PVT1: variants seen among roughly 807,000 people sequenced by gnomAD.
PVT1 encodes CXCR4/PVT1 fusion.
intron 5 of PVT1, among the ~76,000 whole-genome samples, chr8:128,086,103 G>C (rs1028532835): frequency 1.3e-5 from 2 of 152,218 alleles, no homozygotes; most frequent in African/African-American, 4.8e-5. Context: ...CCTAAATCTG[G>C]CTGTGAGTCG....
chr8:127,833,849 G>T (rs1814879832), intron 2 of PVT1, among the ~76,000 whole-genome samples: 1 of 152,180 alleles, frequency 6.6e-6, no homozygotes, highest in Admixed American at 6.5e-5. Flanking sequence ...TATCAGTCCT[G>T]TAGTCCAGTG....
intron 4 of PVT1, among the ~76,000 whole-genome samples, chr8:128,064,202 C>T (rs976366944): frequency 6.6e-6 from 1 of 152,174 alleles, no homozygotes; most frequent in African/African-American, 2.4e-5. Flanking sequence ...AATATTAACT[C>T]CTCCTGTAAA....
chr8:128,083,856 G>C (rs1056796165), intron 5 of PVT1, among the ~76,000 whole-genome samples: 1 of 152,166 alleles, frequency 6.6e-6, no homozygotes, highest in Non-Finnish European at 1.5e-5. Flanking sequence ...TGCCACCTCT[G>C]TCGGGGTCCC....
intron 2 of PVT1, among the ~76,000 whole-genome samples, chr8:127,826,181 C>T (rs1423469637): frequency 6.6e-6 from 1 of 151,972 alleles, no homozygotes; most frequent in East Asian, 1.9e-4. Context: ...TTACCTACAA[C>T]TTGCCAGTAA....
chr8:127,834,648 A>G (rs1171786535), intron 2 of PVT1, among the ~76,000 whole-genome samples: 1 of 152,218 alleles, frequency 6.6e-6, no homozygotes, highest in Non-Finnish European at 1.5e-5. Flanking sequence ...ACAGAATGGG[A>G]GAAAATTTTT....
chr8:127,850,107 G>A (rs912051544), intron 2 of PVT1, among the ~76,000 whole-genome samples: 42 of 152,254 alleles, frequency 2.8e-4, no homozygotes, highest in African/African-American at 9.9e-4. Flanking sequence ...AACTACATGT[G>A]TGTGAGCCTG....
chr8:127,972,637 G>T (rs186362937), intron 3 of PVT1, among the ~76,000 whole-genome samples: 8 of 152,190 alleles, frequency 5.3e-5, no homozygotes, highest in African/African-American at 1.9e-4. Flanking sequence ...TACTCAAGAG[G>T]CTAAGGCAGG....
intron 2 of PVT1, among the ~76,000 whole-genome samples, chr8:127,812,733 G>GA (rs925879107): frequency 2.0e-5 from 3 of 149,898 alleles, no homozygotes; most frequent in African/African-American, 7.3e-5. Context: ...AAGAAGGAAG[G>GA]AAAAAACCGG....
intron 2 of PVT1, among the ~76,000 whole-genome samples, chr8:127,821,599 A>G (rs4733784): frequency 0.68 from 103,753 of 151,874 alleles, 36,911 homozygotes; most frequent in African/African-American, 0.88. Context: ...TCACGAGGTC[A>G]GAAGATCGAG....
At chr8:128,013,850 C>T (rs187076264) in intron 4 of PVT1, among the ~76,000 whole-genome samples, 3 of 152,320 alleles carry the variant, frequency 2.0e-5, no homozygotes, top group Admixed American at 6.5e-5. Context: ...GAATGAATCA[C>T]GCTGGACCAA....
At chr8:127,813,030 A>G (rs1291657979) in intron 2 of PVT1, among the ~76,000 whole-genome samples, 1 of 151,820 alleles carries the variant, frequency 6.6e-6, no homozygotes, top group Non-Finnish European at 1.5e-5. Flanking sequence ...AATGTTATCT[A>G]GTACTACTAA....
At chr8:127,998,535 T>C (rs1421967351) in intron 4 of PVT1, among the ~76,000 whole-genome samples, 1 of 143,566 alleles carries the variant, frequency 7.0e-6, no homozygotes, top group African/African-American at 2.6e-5. Context: ...CCTTCTTTCT[T>C]TCTCTCTCTC....
At chr8:128,038,203 G>T (rs1354231781) in intron 4 of PVT1, among the ~76,000 whole-genome samples, 2 of 152,178 alleles carry the variant, frequency 1.3e-5, no homozygotes, top group African/African-American at 2.4e-5. Flanking sequence ...GGAATCGCTG[G>T]TATAAACTTT....
Position 127,889,035 on chromosome 8 carries a change from T to TTC in PVT1, n.373-1554_373-1553insTC, listed in dbSNP as rs1815561979. On this transcript the variant is annotated intron_variant and non_coding_transcript_variant, in intron 2 of 10. Transcript: ENST00000651587. ...TCAAACCCCTTTTCCTTTCTCTCTT[T>TTC]CTTTCTTCCTTCCTTCCTTCCTTCC... is the stretch of plus-strand genomic sequence containing the variant. Among the ~76,000 whole-genome samples, 347 of 100,496 alleles carry TTC rather than the reference T, an allele frequency of 3.5e-3. 4 individuals are homozygous for TTC. Among genetic ancestry groups the TTC allele is most frequent in the African/African-American group, 0.011 (321 of 28,380 alleles). 65.9% of individuals were successfully genotyped at this position (100,496 alleles called of 152,430 possible). A position where few individuals can be genotyped will look rare whatever the true frequency, so the allele number is the denominator to read the frequency against.
chr8:127,832,812 C>T (rs960549603), intron 2 of PVT1, among the ~76,000 whole-genome samples: 10 of 151,662 alleles, frequency 6.6e-5, no homozygotes, highest in East Asian at 1.9e-4. Context: ...GAGCTGAGAT[C>T]GCACCACTCC....
At chr8:127,943,627 A>G (rs1251601122) in intron 3 of PVT1, among the ~76,000 whole-genome samples, 1 of 152,076 alleles carries the variant, frequency 6.6e-6, no homozygotes. Context: ...AGTTGGGACA[A>G]CCTAAAGTGT....
intron 6 of PVT1, among the ~76,000 whole-genome samples, chr8:128,100,424 A>G (rs1814489599): frequency 6.6e-6 from 1 of 152,168 alleles, no homozygotes; most frequent in South Asian, 2.1e-4. Flanking sequence ...GTTTAAGTAC[A>G]ACATCCACAT....
intron 3 of PVT1, among the ~76,000 whole-genome samples, chr8:127,945,187 TTTC>T (rs1287052571): frequency 6.6e-6 from 1 of 152,156 alleles, no homozygotes; most frequent in Non-Finnish European, 1.5e-5. Context: ...ATGCATTTTT[TTTC>T]TTTTCTTTCT....
At chr8:128,037,488 C>T (rs181696058) in intron 4 of PVT1, among the ~76,000 whole-genome samples, 186 of 152,288 alleles carry the variant, frequency 1.2e-3, no homozygotes, top group African/African-American at 4.2e-3. Context: ...GAGGCCGTGT[C>T]GGCAACAGGC....
Sources: gnomAD v4.1 joint callset for allele counts (sites outside exome capture counted in the v4.1 genomes callset) on GRCh38, gnomAD v4.1.1 for gene constraint, MANE v1.5 for transcripts, NCBI Gene and HGNC (gene_info 2026-07-23, HGNC 2026-07-21) for gene names.